The following KREMEN1 variants were observed in gnomAD, a reference collection of about 807,000 sequenced individuals.
KREMEN1 encodes kremen protein 1.
A neutral mutation model predicts 46.5 loss-of-function variants in KREMEN1; 30 were observed. That is an observed-to-expected ratio of 0.65 (90% confidence interval 0.48 to 0.88). The LOEUF (loss-of-function observed/expected upper bound fraction) is 0.88. Among genes scored for constraint, KREMEN1 ranks in the 40% least tolerant of loss-of-function variants. The pLI is 0.00. For missense variants in KREMEN1, 533 were observed against 596.9 expected, an observed-to-expected ratio of 0.89 and a Z score of 1.11; for synonymous variants, 214 against 230.6, an observed-to-expected ratio of 0.93 and a Z score of 0.65.
chr22:29,102,624 C>T (rs1001986926), intron 3 of KREMEN1, among the ~76,000 whole-genome samples: 3 of 152,174 alleles, frequency 2.0e-5, no homozygotes, highest in African/African-American at 7.2e-5. Flanking sequence ...GGGACTGATT[C>T]ATGTGGTCAT....
intron 9 of KREMEN1, among the ~76,000 whole-genome samples, chr22:29,153,723 A>G (rs1484899006): frequency 6.6e-6 from 1 of 152,022 alleles, no homozygotes; most frequent in Non-Finnish European, 1.5e-5. Flanking sequence ...GCTCATGCCT[A>G]TAATCCCAGC....
intron 1 of KREMEN1, among the ~76,000 whole-genome samples, chr22:29,082,423 A>C (rs537013256): frequency 6.6e-6 from 1 of 152,280 alleles, no homozygotes; most frequent in African/African-American, 2.4e-5. Context: ...TCCTTGATTT[A>C]CATAAACTTG....
intron 4 of KREMEN1, among the ~76,000 whole-genome samples, chr22:29,122,025 G>A (rs1365149911): frequency 6.6e-6 from 1 of 151,980 alleles, no homozygotes; most frequent in Non-Finnish European, 1.5e-5. Flanking sequence ...GAATATGAAA[G>A]GCAGACCACA....
chr22:29,150,594 C>G (rs2038907629), downstream of KREMEN1, among the ~76,000 whole-genome samples: 1 of 152,182 alleles, frequency 6.6e-6, no homozygotes, highest in South Asian at 2.1e-4. Flanking sequence ...TGCTTCTTTG[C>G]ATATTGATCA....
intron 3 of KREMEN1, among the ~76,000 whole-genome samples, chr22:29,112,152 C>G (rs950013921): frequency 2.0e-5 from 3 of 152,172 alleles, no homozygotes; most frequent in African/African-American, 7.2e-5. Flanking sequence ...CATTCATCCA[C>G]TCACGTGGCT....
chr22:29,159,109 G>A (rs930040994), intron 9 of KREMEN1, among the ~76,000 whole-genome samples: 2 of 148,590 alleles, frequency 1.3e-5, no homozygotes, highest in South Asian at 2.2e-4. Flanking sequence ...CATGAGCCAC[G>A]GTGCCCAGCC....
At position 29,163,622 on chromosome 22, in the gene KREMEN1, C is replaced by T. The variant is rs2039030555; in HGVS notation, c.1417-3422C>T. On this transcript the variant is annotated intron_variant, in intron 9 of 9. Transcript: ENST00000327813. ...GAACTCCTGACCTCAAGTGATCCAC[C>T]CACCTCAGCCTCCCGAAGTGCTGGG... is the stretch of plus-strand genomic sequence containing the variant. 3.3e-5 allele frequency among the ~76,000 whole-genome samples: 5 copies of T among 152,052 alleles called. No individual in the cohort carries two copies. In the South Asian group the frequency reaches 8.3e-4, roughly 25 times the overall value.
intron 2 of KREMEN1, among the ~76,000 whole-genome samples, chr22:29,098,173 G>C (rs1454902891): frequency 2.7e-5 from 4 of 149,058 alleles, no homozygotes; most frequent in Admixed American, 2.0e-4. Flanking sequence ...GTGACAGATT[G>C]AGAGTTTGTC....
intron 3 of KREMEN1, among the ~76,000 whole-genome samples, chr22:29,120,172 G>C: frequency 8.1e-6 from 1 of 124,212 alleles, no homozygotes; most frequent in Non-Finnish European, 1.7e-5. Flanking sequence ...GGAAATGGAG[G>C]AGGGAGAGGT....
At chr22:29,153,592 C>T (rs1386648651) in intron 9 of KREMEN1, among the ~76,000 whole-genome samples, 1 of 152,072 alleles carries the variant, frequency 6.6e-6, no homozygotes, top group African/African-American at 2.4e-5. Context: ...CTCCTGGGCT[C>T]AAGTGATCCT....
intron 2 of KREMEN1, among the ~76,000 whole-genome samples, chr22:29,097,667 A>T (rs1243063038): frequency 6.6e-6 from 1 of 152,036 alleles, no homozygotes; most frequent in Admixed American, 6.6e-5. Flanking sequence ...TGGAGTCTTT[A>T]TTAAGTGAAT....
At chr22:29,129,747 G>A (rs2038504889) in intron 5 of KREMEN1, among the ~76,000 whole-genome samples, 1 of 152,190 alleles carries the variant, frequency 6.6e-6, no homozygotes, top group Admixed American at 6.5e-5. Context: ...GCAGCTGGCA[G>A]AAGCTGTCTG....
At chr22:29,127,504 T>C (rs1420657500) in intron 5 of KREMEN1, among the ~76,000 whole-genome samples, 1 of 151,938 alleles carries the variant, frequency 6.6e-6, no homozygotes, top group Non-Finnish European at 1.5e-5. Flanking sequence ...CTACTAAAAA[T>C]ACAAAAATTA....
At chr22:29,129,295 C>T (rs932178208) in intron 5 of KREMEN1, among the ~76,000 whole-genome samples, 3 of 150,480 alleles carry the variant, frequency 2.0e-5, no homozygotes, top group Admixed American at 1.3e-4. Context: ...TGCAGTGAGC[C>T]GAGATCACAC....
chr22:29,142,387 G>A lies in KREMEN1; in HGVS notation c.*275G>A. Reference sequence around the variant, plus strand: ...GCATCTCTCTCTGATCTAGCTAGCAGTGGGGGTGTCAGGACAGTGAGGCTG... The same window carrying A: ...GCATCTCTCTCTGATCTAGCTAGCAATGGGGGTGTCAGGACAGTGAGGCTG... On this transcript the variant is annotated 3_prime_UTR_variant, in exon 9 of 9. Transcript: ENST00000400335. 8.8e-7 allele frequency: 1 copy of A among 1,133,908 alleles called. No individual in the cohort carries two copies. The highest frequency in any genetic ancestry group is 1.1e-6 in the Non-Finnish European group (1 of 925,750). 70.2% of individuals were successfully genotyped at this position (1,133,908 alleles called of 1,614,324 possible).
intron 1 of KREMEN1, among the ~76,000 whole-genome samples, chr22:29,085,584 A>G (rs2037716092): frequency 6.6e-6 from 1 of 152,202 alleles, no homozygotes; most frequent in African/African-American, 2.4e-5. Flanking sequence ...GTATTTAGGT[A>G]ATGTGAGTCC....
intron 1 of KREMEN1, among the ~76,000 whole-genome samples, chr22:29,076,427 CAGTGAAGG>C (rs994950672): frequency 6.6e-6 from 1 of 152,174 alleles, no homozygotes; most frequent in African/African-American, 2.4e-5. Flanking sequence ...GGGGCTGAAG[CAGTGAAGG>C]AGTGAAGGGT....
intron 3 of KREMEN1, among the ~76,000 whole-genome samples, chr22:29,108,520 A>G (rs931947158): frequency 1.3e-5 from 2 of 152,206 alleles, no homozygotes; most frequent in African/African-American, 4.8e-5. Context: ...AATAAAATGC[A>G]TGCTGCCCTA....
chr22:29,131,137 A>G (rs1007220061), intron 5 of KREMEN1, among the ~76,000 whole-genome samples: 2 of 152,196 alleles, frequency 1.3e-5, no homozygotes, highest in African/African-American at 4.8e-5. Context: ...AGAACACTTC[A>G]TAAGCATTGC....
Sources: gnomAD v4.1 joint callset for allele counts (sites outside exome capture counted in the v4.1 genomes callset) on GRCh38, gnomAD v4.1.1 for gene constraint, MANE v1.5 for transcripts, NCBI Gene and HGNC (gene_info 2026-07-23, HGNC 2026-07-21) for gene names.